The following ZBTB20 variants were observed in gnomAD, a reference collection of about 807,000 sequenced individuals.
ZBTB20 encodes zinc finger and BTB domain-containing protein 20.
A neutral mutation model predicts 56.9 loss-of-function variants in ZBTB20; 9 were observed. The observed-to-expected ratio is 0.16, with a 90% CI of 0.10 to 0.28. ZBTB20 has a LOEUF of 0.28. ZBTB20 is among the 10% of genes least tolerant of loss of function. The probability of loss-of-function intolerance (pLI) is 1.00; values close to 1 mark genes in which losing one functional copy is unlikely to be tolerated. For missense variants in ZBTB20, 655 were observed against 1,003.0 expected, an observed-to-expected ratio of 0.65 and a Z score of 4.69; for synonymous variants, 417 against 420.7, an observed-to-expected ratio of 0.99 and a Z score of 0.11.
intron 1 of ZBTB20, 136 bp downstream of exon 1, chr3:115,147,083 C>G (rs1417411400): frequency 6.8e-6 from 1 of 146,268 alleles, no homozygotes; most frequent in Non-Finnish European, 1.5e-5. Flanking sequence ...TCCCCCAACC[C>G]CACCCCGCTC....
chr3:114,718,963 CA>C (rs1305548890), intron 5 of ZBTB20, among the ~76,000 whole-genome samples: 1 of 151,478 alleles, frequency 6.6e-6, no homozygotes, highest in Admixed American at 6.6e-5. Context: ...AAACTTTAAC[CA>C]TATTAATCCA....
chr3:114,625,127 G>A (rs553445875), intron 6 of ZBTB20, among the ~76,000 whole-genome samples: 21 of 152,106 alleles, frequency 1.4e-4, no homozygotes, highest in African/African-American at 5.1e-4. Flanking sequence ...AGATGGCAGG[G>A]CTCTGTTCTG....
intron 7 of ZBTB20, among the ~76,000 whole-genome samples, chr3:114,450,431 A>G (rs964020784): frequency 5.3e-5 from 8 of 152,208 alleles, no homozygotes; most frequent in Non-Finnish European, 4.4e-5. Context: ...GTTGAACGAA[A>G]AATAGTTCTC....
rs150568280 is a variant in ZBTB20, at chr3:114,827,069, A to C, written c.-416-25895T>G. ...TCCTTACCAATCATAATTTTAGAGC[A>C]AATTATCTATAAAGTCAATTAATAA... On this transcript the variant is annotated intron_variant, in intron 4 of 11. Transcript: ENST00000675478. Among the ~76,000 whole-genome samples, 980 of 151,862 alleles carry C rather than the reference A, an allele frequency of 6.5e-3. 9 individuals are homozygous for C. The highest frequency in any genetic ancestry group is 0.021 in the African/African-American group (884 of 41,526).
rs528013266 is a variant in ZBTB20 at position 115,073,654 on chromosome 3, T to C, written c.-702-2240A>G. ...AGAATTCTAAAGACTAAAGAAAGCA[T>C]AGGGAAATTAAAAATATTTATAACT... On this transcript the variant is annotated intron_variant, in intron 1 of 11. Coordinates refer to ENST00000675478, the MANE Select transcript of ZBTB20 (RefSeq NM_001348800.3). Among the ~76,000 whole-genome samples the C allele has an allele frequency of 2.9e-3, 447 of 152,000 alleles. 3 individuals are homozygous for C. The highest frequency in any genetic ancestry group is 0.011 in the African/African-American group (438 of 41,488).
intron 6 of ZBTB20, among the ~76,000 whole-genome samples, chr3:114,593,512 G>A (rs545627007): frequency 6.6e-6 from 1 of 151,806 alleles, no homozygotes; most frequent in South Asian, 2.1e-4. Context: ...AGCCTCCTGA[G>A]TAGCTGGGAT....
intron 7 of ZBTB20, among the ~76,000 whole-genome samples, chr3:114,431,481 G>A (rs543554207): frequency 6.6e-6 from 1 of 152,266 alleles, no homozygotes; most frequent in South Asian, 2.1e-4. Flanking sequence ...AAGATTAAAT[G>A]TACTACGACA....
At chr3:114,496,080 G>A (rs1212002952) in intron 7 of ZBTB20, among the ~76,000 whole-genome samples, 2 of 152,122 alleles carry the variant, frequency 1.3e-5, no homozygotes, top group Non-Finnish European at 1.5e-5. Flanking sequence ...CAAAAAGAGT[G>A]GTTTCCACAG....
At chr3:114,385,594 G>T (rs2085010929) in intron 8 of ZBTB20, among the ~76,000 whole-genome samples, 2 of 152,218 alleles carry the variant, frequency 1.3e-5, no homozygotes, top group African/African-American at 4.8e-5. Flanking sequence ...CCGGGCAAGG[G>T]GTGGTAGCTC....
At position 114,339,633 on chromosome 3, in the gene ZBTB20, C is replaced by G. The variant is rs1021676904; in HGVS notation, c.1805-207G>C. Among the ~76,000 whole-genome samples, 2 of 152,194 alleles carry G rather than the reference C, an allele frequency of 1.3e-5. No homozygotes were observed. Among genetic ancestry groups the G allele is most frequent in the Non-Finnish European group, 2.9e-5 (2 of 68,038 alleles). On this transcript the variant is annotated intron_variant, in intron 11 of 11. Transcript: ENST00000675478. This position sits in a 1 kb window ranked among gnomAD's most constrained non-coding sequence, Gnocchi z 4.2. Reference sequence around the variant, plus strand: ...AGAGAAATTTTGCTTTATGGTGATGCCAGGACAGTTTTGTTTTCCATTTCC... The same window carrying G: ...AGAGAAATTTTGCTTTATGGTGATGGCAGGACAGTTTTGTTTTCCATTTCC...
chr3:114,633,329 G>T (rs2059071905), intron 6 of ZBTB20, among the ~76,000 whole-genome samples: 1 of 152,120 alleles, frequency 6.6e-6, no homozygotes, highest in African/African-American at 2.4e-5. Flanking sequence ...TTTAATTCCA[G>T]CTAAAGACTG....
intron 5 of ZBTB20, among the ~76,000 whole-genome samples, chr3:114,717,860 T>C (rs976131979): frequency 1.3e-5 from 2 of 151,584 alleles, no homozygotes; most frequent in African/African-American, 4.9e-5. Flanking sequence ...GATAACCGCT[T>C]CTTTTCCTCC....
At chr3:114,477,489 C>CA (rs2040923091) in intron 7 of ZBTB20, among the ~76,000 whole-genome samples, 1 of 109,266 alleles carries the variant, frequency 9.2e-6, no homozygotes. Context: ...GTTCCCTGCA[C>CA]TTTTTTTTTT....
intron 4 of ZBTB20, among the ~76,000 whole-genome samples, chr3:114,850,897 C>A (rs1010690740): frequency 6.6e-6 from 1 of 152,084 alleles, no homozygotes; most frequent in African/African-American, 2.4e-5. Context: ...AGAAATGAGC[C>A]ACTCATCTAG....
intron 5 of ZBTB20, among the ~76,000 whole-genome samples, chr3:114,699,038 C>T (rs1236769589): frequency 4.6e-5 from 7 of 152,096 alleles, no homozygotes; most frequent in Admixed American, 1.3e-4. Flanking sequence ...TTAATCTGCA[C>T]ACAAAATAAT....
chr3:114,444,152 T>A (rs2091111937), intron 7 of ZBTB20, among the ~76,000 whole-genome samples: 1 of 152,202 alleles, frequency 6.6e-6, no homozygotes, highest in African/African-American at 2.4e-5. Flanking sequence ...ACTCATACTT[T>A]GATAAGATAG....
chr3:114,922,760 AGCT>A (rs1413805719), intron 3 of ZBTB20, among the ~76,000 whole-genome samples: 3 of 152,198 alleles, frequency 2.0e-5, no homozygotes, highest in African/African-American at 7.2e-5. Flanking sequence ...AAGAAGAGAG[AGCT>A]GCCAGGCTCT....
intron 5 of ZBTB20, among the ~76,000 whole-genome samples, chr3:114,789,821 TA>T (rs1162584892): frequency 3.3e-5 from 5 of 152,160 alleles, no homozygotes; most frequent in Non-Finnish European, 7.4e-5. Flanking sequence ...GAGAAGAAGA[TA>T]AACAGGTAAA....
chr3:115,060,952 AC>A (rs1290547683), intron 2 of ZBTB20, among the ~76,000 whole-genome samples: 1 of 152,070 alleles, frequency 6.6e-6, no homozygotes, highest in Non-Finnish European at 1.5e-5. Context: ...TAGAGAATTC[AC>A]CTTTATTTCA....
Sources: gnomAD v4.1 joint callset for allele counts (sites outside exome capture counted in the v4.1 genomes callset) on GRCh38, gnomAD v4.1.1 for gene constraint, Gnocchi (gnomAD v3.1) non-coding constraint, MANE v1.5 for transcripts, NCBI Gene and HGNC (gene_info 2026-07-23, HGNC 2026-07-21) for gene names.